RANGAP1: variants seen among roughly 807,000 people sequenced by gnomAD.
RANGAP1 encodes ran GTPase-activating protein 1.
Under a neutral mutation model 63.5 loss-of-function variants are expected in RANGAP1, and 38 were observed. The ratio of observed to expected loss-of-function variants is 0.60; its 90% confidence interval spans 0.46 to 0.78. RANGAP1 has a LOEUF of 0.78. RANGAP1 is among the 30% of genes least tolerant of loss of function. The pLI is 0.00. For synonymous variants in RANGAP1, 329 were observed against 310.5 expected (o/e 1.06, Z -0.63); for missense variants, 630 against 740.3 (o/e 0.85, Z 1.73).
intron 11 of RANGAP1, among the ~76,000 whole-genome samples, chr22:41,253,764 G>A (rs2033632109): frequency 6.6e-6 from 1 of 152,128 alleles, no homozygotes; most frequent in African/African-American, 2.4e-5. Flanking sequence ...ACATAATGCA[G>A]CAGCACTGCT....
Position 41,249,349 on chromosome 22 carries a change from G to GC in RANGAP1, c.1674dup (p.Leu559AlafsTer43). ...ACTCACTTGGTCACGAACGCCAGCAGCAGGGGTGCAAGGGCCTTGGGGAAA... is the reference window on the plus strand; with the variant it reads ...ACTCACTTGGTCACGAACGCCAGCAGCCAGGGGTGCAAGGGCCTTGGGGAAA... On this transcript the variant is annotated frameshift_variant, in exon 15 of 16. Transcript: ENST00000356244. LOFTEE classifies it high-confidence loss of function. 6.2e-7 allele frequency: 1 copy of GC among 1,608,658 alleles called. No individual in the cohort carries two copies. The highest frequency in any genetic ancestry group is 8.5e-7 in the Non-Finnish European group (1 of 1,176,722).
At chr22:41,250,898 T>C (rs2033397177) in intron 13 of RANGAP1, 109 bp downstream of exon 13, 2 of 872,336 alleles carry the variant, frequency 2.3e-6, no homozygotes, top group Non-Finnish European at 3.7e-6. Flanking sequence ...CAAAGAGCAG[T>C]TCCCATGAGA....
At chr22:41,252,648 C>T (rs1389206003) in intron 12 of RANGAP1, among the ~76,000 whole-genome samples, 4 of 152,148 alleles carry the variant, frequency 2.6e-5, no homozygotes, top group African/African-American at 4.8e-5. Context: ...TGGGAACTGG[C>T]GGGCTGTACT....
intron 1 of RANGAP1, chr22:41,281,400 A>G (rs2035484531): frequency 9.9e-7 from 1 of 1,007,030 alleles, no homozygotes. Context: ...GGGCCCCTTC[A>G]GTGAATGGCA....
chr22:41,275,881 G>C (rs2035111823), intron 2 of RANGAP1, among the ~76,000 whole-genome samples: 1 of 152,124 alleles, frequency 6.6e-6, no homozygotes, highest in African/African-American at 2.4e-5. Context: ...GAGAAGTTGA[G>C]GCTGCAATGA....
chr22:41,274,743 G>A lies in RANGAP1; in HGVS notation c.113-16C>T. 1.2e-6 allele frequency: 2 copies of A among 1,613,652 alleles called. No homozygotes were observed. Among genetic ancestry groups the A allele is most frequent in the Non-Finnish European group, 1.7e-6 (2 of 1,179,842 alleles). ...ACATCTTTAGCTGCCAGGGACCAAAGAGCAGAACCTTAGGCTTTTGGAATC... is the reference window on the plus strand; with the variant it reads ...ACATCTTTAGCTGCCAGGGACCAAAAAGCAGAACCTTAGGCTTTTGGAATC... On this transcript the variant is annotated splice_polypyrimidine_tract_variant and intron_variant, in intron 2 of 15. Transcript: ENST00000356244.
intron 15 of RANGAP1, among the ~76,000 whole-genome samples, chr22:41,247,432 T>A (rs1373006952): frequency 6.6e-6 from 1 of 152,058 alleles, no homozygotes; most frequent in African/African-American, 2.4e-5. Context: ...GCTCCCTGCA[T>A]CCTCGACTTC....
the RANGAP1 span, among the ~76,000 whole-genome samples, chr22:41,294,032 C>T: frequency 7.2e-6 from 1 of 138,106 alleles, no homozygotes; most frequent in Non-Finnish European, 1.6e-5. Flanking sequence ...TCCTCTCCCT[C>T]TCCTTCTCCC....
chr22:41,247,217 A>G (rs576855854), intron 15 of RANGAP1, among the ~76,000 whole-genome samples: 165 of 151,990 alleles, frequency 1.1e-3, no homozygotes, highest in African/African-American at 3.9e-3. Flanking sequence ...CACCATGCCC[A>G]GCTAATTTTT....
chr22:41,267,903 C>A (rs951450622), intron 4 of RANGAP1, among the ~76,000 whole-genome samples, 194 bp downstream of exon 4: 1 of 152,156 alleles, frequency 6.6e-6, no homozygotes, highest in Non-Finnish European at 1.5e-5. Flanking sequence ...CCTCCCCTGT[C>A]AGTCTCTGTG....
chr22:41,253,739 C>T (rs1471241897), intron 11 of RANGAP1, among the ~76,000 whole-genome samples: 1 of 152,182 alleles, frequency 6.6e-6, no homozygotes, highest in African/African-American at 2.4e-5. Context: ...AACCCTTATG[C>T]ATATCTTATA....
upstream of RANGAP1, among the ~76,000 whole-genome samples, chr22:41,288,686 T>C (rs2035801410): frequency 2.0e-5 from 3 of 152,000 alleles, no homozygotes; most frequent in Admixed American, 2.0e-4. Context: ...ATCCAGCTGA[T>C]AGGACATTGG....
At chr22:41,301,422 C>G in the RANGAP1 span, 7 of 152,262 alleles carry the variant, frequency 4.6e-5, no homozygotes, top group Admixed American at 4.6e-4. Context: ...GCCCCCACGC[C>G]CCCCGCCCTT....
chr22:41,266,320 C>A (rs1483165984), intron 4 of RANGAP1, among the ~76,000 whole-genome samples: 1 of 152,174 alleles, frequency 6.6e-6, no homozygotes, highest in Admixed American at 6.5e-5. Flanking sequence ...TCTTATCCCC[C>A]TCTTAAGATT....
At chr22:41,283,700 G>C (rs2035614615) in intron 1 of RANGAP1, among the ~76,000 whole-genome samples, 1 of 152,230 alleles carries the variant, frequency 6.6e-6, no homozygotes, top group Admixed American at 6.6e-5. Flanking sequence ...ACTGCAACAG[G>C]GCCAGTGGGG....
At chr22:41,269,601 G>C (rs1205301159) in intron 3 of RANGAP1, among the ~76,000 whole-genome samples, 4 of 151,880 alleles carry the variant, frequency 2.6e-5, no homozygotes, top group African/African-American at 9.7e-5. Flanking sequence ...CGGGCATGGT[G>C]GTGCACGCCT....
the RANGAP1 span, among the ~76,000 whole-genome samples, chr22:41,294,120 T>C: frequency 1.4e-4 from 21 of 152,340 alleles, no homozygotes; most frequent in Non-Finnish European, 2.8e-4. Flanking sequence ...TGGACGGTAC[T>C]GCTGCCATCT....
At chr22:41,274,118 G>A (rs2035003158) in intron 3 of RANGAP1, among the ~76,000 whole-genome samples, 1 of 152,182 alleles carries the variant, frequency 6.6e-6, no homozygotes, top group Non-Finnish European at 1.5e-5. Context: ...TGCGAGGAGT[G>A]TAGGGAGCTG....
At position 41,245,173 on chromosome 22, in the gene RANGAP1, G is replaced by A. The variant is rs1265591297; in HGVS notation, c.*1430C>T. 2.6e-5 allele frequency among the ~76,000 whole-genome samples: 4 copies of A among 152,214 alleles called. No homozygotes were observed. Among genetic ancestry groups the A allele is most frequent in the Non-Finnish European group, 1.5e-5 (1 of 68,040 alleles). ...CTGCCACCTGGTCACCTACGTGGCCGACTGCCAATGAGAAAATATTGCCCT... is the reference window on the plus strand; with the variant it reads ...CTGCCACCTGGTCACCTACGTGGCCAACTGCCAATGAGAAAATATTGCCCT... On this transcript the variant is annotated 3_prime_UTR_variant, in exon 16 of 16. Transcript: ENST00000356244.
Sources: allele counts gnomAD v4.1 joint callset (sites outside exome capture counted in the v4.1 genomes callset), GRCh38; gene constraint gnomAD v4.1.1; transcripts MANE v1.5; gene names NCBI Gene and HGNC (gene_info 2026-07-23, HGNC 2026-07-21).